Variants in PDGFC observed in about 807,000 individuals in gnomAD.
PDGFC encodes the protein platelet-derived growth factor C.
PDGFC carries 12 observed loss-of-function variants against 35.5 expected under a neutral mutation model. That is an observed-to-expected ratio of 0.34 (90% CI 0.22 to 0.55). The LOEUF is 0.55. Among genes scored for constraint, PDGFC ranks in the 20% least tolerant of loss-of-function variants. The pLI is 0.91. For missense variants in PDGFC, 322 were observed against 412.4 expected, an observed-to-expected ratio of 0.78 and a Z score of 1.90; for synonymous variants, 159 against 148.8, an observed-to-expected ratio of 1.07 and a Z score of -0.50.
intron 1 of PDGFC, among the ~76,000 whole-genome samples, chr4:156,869,496 C>A (rs997403660): frequency 6.6e-6 from 1 of 152,024 alleles, no homozygotes. Flanking sequence ...GTTGTTTTTG[C>A]AATTGTCTTC....
At chr4:156,770,002 G>A (rs148753427) in intron 4 of PDGFC, among the ~76,000 whole-genome samples, 1 of 152,088 alleles carries the variant, frequency 6.6e-6, no homozygotes, top group East Asian at 1.9e-4. Context: ...ATGTCAAGTA[G>A]TTTTAAATAT....
Position 156,763,221 on chromosome 4 carries a change from G to A in PDGFC, c.922-15C>T, listed in dbSNP as rs1420376767. 1 of 1,306,124 alleles carries A rather than the reference G, an allele frequency of 7.7e-7. No homozygotes were observed. The highest frequency in any genetic ancestry group is 1.7e-5 in the Admixed American group (1 of 59,622). The allele number at this position is 1,306,124 out of a possible 1,614,324, so 80.9% of individuals were successfully genotyped here. ...AACTGAAGGACCTGAAAGGGAATAA[G>A]AGTAAGCCACTTTTAAAAATCAACG... On this transcript the variant is annotated splice_polypyrimidine_tract_variant and intron_variant, in intron 5 of 5. Transcript: ENST00000502773.
chr4:156,821,574 G>A (rs1357413522), intron 2 of PDGFC, among the ~76,000 whole-genome samples: 1 of 152,068 alleles, frequency 6.6e-6, no homozygotes, highest in Non-Finnish European at 1.5e-5. Flanking sequence ...TCGAGACAGG[G>A]TCTTGCTCTG....
intron 3 of PDGFC, among the ~76,000 whole-genome samples, chr4:156,803,261 A>C (rs1439801838): frequency 2.0e-5 from 3 of 152,206 alleles, no homozygotes; most frequent in Non-Finnish European, 4.4e-5. Context: ...GATGAATATA[A>C]AAGCTAAACA....
chr4:156,765,521 T>G (rs1372448477), intron 5 of PDGFC, among the ~76,000 whole-genome samples: 2 of 152,138 alleles, frequency 1.3e-5, no homozygotes, highest in Non-Finnish European at 1.5e-5. Flanking sequence ...CACAGAGCAC[T>G]GGGAACAGGG....
At chr4:156,825,581 T>G (rs149134656) in intron 2 of PDGFC, among the ~76,000 whole-genome samples, 2,815 of 91,592 alleles carry the variant, frequency 0.031, 67 homozygotes, top group South Asian at 0.06. Flanking sequence ...ATAATAATAA[T>G]AATAATAATA....
chr4:156,964,274 C>T (rs976538295), intron 1 of PDGFC, among the ~76,000 whole-genome samples: 1 of 151,410 alleles, frequency 6.6e-6, no homozygotes, highest in African/African-American at 2.4e-5. Flanking sequence ...AATAAACATC[C>T]TTCATCTATA....
chr4:156,872,501 A>C (rs571832548), intron 1 of PDGFC, among the ~76,000 whole-genome samples: 88 of 152,308 alleles, frequency 5.8e-4, no homozygotes, highest in African/African-American at 2.1e-3. Flanking sequence ...GACCCTTAGT[A>C]CACACTCCTC....
At chr4:156,835,655 A>C (rs1004325847) in intron 2 of PDGFC, among the ~76,000 whole-genome samples, 2 of 152,218 alleles carry the variant, frequency 1.3e-5, no homozygotes, top group African/African-American at 4.8e-5. Flanking sequence ...AAATCCTATT[A>C]TATTTTAAGC....
intron 2 of PDGFC, among the ~76,000 whole-genome samples, chr4:156,839,142 G>A (rs1033163629): frequency 9.9e-5 from 15 of 152,152 alleles, no homozygotes; most frequent in Admixed American, 3.9e-4. Context: ...TAGAAGCAAG[G>A]AGCCAGCAAG....
intron 1 of PDGFC, among the ~76,000 whole-genome samples, chr4:156,970,342 T>C (rs1732561183): frequency 6.6e-6 from 1 of 152,224 alleles, no homozygotes. Context: ...GATTAATTGA[T>C]GACTTCGACC....
intron 1 of PDGFC, among the ~76,000 whole-genome samples, chr4:156,907,212 C>G (rs1730935006): frequency 1.3e-5 from 2 of 152,134 alleles, no homozygotes; most frequent in Admixed American, 1.3e-4. Flanking sequence ...TGTTAAGTGA[C>G]ACCTGTCTTT....
intron 5 of PDGFC, among the ~76,000 whole-genome samples, chr4:156,764,118 T>C (rs1400687135): frequency 1.3e-5 from 2 of 152,206 alleles, no homozygotes; most frequent in African/African-American, 4.8e-5. Context: ...CAAAATAATA[T>C]GAAATTTTCT....
At chr4:156,933,887 A>G (rs975958832) in intron 1 of PDGFC, among the ~76,000 whole-genome samples, 1 of 152,062 alleles carries the variant, frequency 6.6e-6, no homozygotes, top group Non-Finnish European at 1.5e-5. Flanking sequence ...TTCTGCCACA[A>G]TTGTAAGTTT....
intron 2 of PDGFC, among the ~76,000 whole-genome samples, chr4:156,834,807 G>A (rs1047377001): frequency 6.6e-6 from 1 of 152,054 alleles, no homozygotes; most frequent in East Asian, 1.9e-4. Flanking sequence ...ATGGGTAATA[G>A]AAAGCCCTTT....
chr4:156,764,882 A>G (rs1467230838), intron 5 of PDGFC, among the ~76,000 whole-genome samples: 2 of 152,174 alleles, frequency 1.3e-5, no homozygotes, highest in African/African-American at 2.4e-5. Flanking sequence ...CAATATTGGC[A>G]TAGACAACGT....
chr4:156,954,106 C>T (rs905542387), intron 1 of PDGFC, among the ~76,000 whole-genome samples: 14 of 152,012 alleles, frequency 9.2e-5, no homozygotes, highest in East Asian at 5.8e-4. Context: ...ACCATACTTA[C>T]GTAAATAGCA....
rs542170830 is a variant in PDGFC, at chr4:156,821,549, T to C, written c.315-10532A>G. On this transcript the variant is annotated intron_variant, in intron 2 of 5. Coordinates refer to ENST00000502773, the MANE Select transcript of PDGFC (RefSeq NM_016205.3). ...AACCACCACTCTCTACGTATATTTA[T>C]TTTATTTTATCTTTTCGAGACAGGG... is the stretch of plus-strand genomic sequence containing the variant. 3.3e-5 allele frequency among the ~76,000 whole-genome samples: 5 copies of C among 152,158 alleles called. No homozygotes were observed. The South Asian group carries it at 1.0e-3, about 32-fold the overall frequency.
At chr4:156,968,399 A>G (rs532955614) in intron 1 of PDGFC, among the ~76,000 whole-genome samples, 50 of 152,310 alleles carry the variant, frequency 3.3e-4, no homozygotes, top group African/African-American at 1.2e-3. Flanking sequence ...TCGTATTTAC[A>G]GGACTGTACA....
Sources: gnomAD v4.1 joint callset for allele counts (sites outside exome capture counted in the v4.1 genomes callset) on GRCh38, gnomAD v4.1.1 for gene constraint, MANE v1.5 for transcripts, NCBI Gene and HGNC (gene_info 2026-07-23, HGNC 2026-07-21) for gene names.